Variants in RAB7A observed in about 807,000 individuals in gnomAD.
The protein encoded by RAB7A is RAB7A, member RAS oncogene family, also known as ras-related protein Rab-7a.
A neutral mutation model predicts 24.5 loss-of-function variants in RAB7A; 2 were observed. The observed-to-expected ratio is 0.08, with a 90% CI of 0.03 to 0.26. The LOEUF (loss-of-function observed/expected upper bound fraction) is 0.26. Among genes scored for constraint, RAB7A ranks in the 10% least tolerant of loss-of-function variants. The pLI is 1.00. For synonymous variants in RAB7A, 100 were observed against 95.9 expected, an observed-to-expected ratio of 1.04 and a Z score of -0.25; for missense variants, 118 against 255.7, an observed-to-expected ratio of 0.46 and a Z score of 3.67.
At chr3:128,770,059 G>A (rs1282450236) in intron 1 of RAB7A, among the ~76,000 whole-genome samples, 7 of 150,468 alleles carry the variant, frequency 4.7e-5, no homozygotes, top group Non-Finnish European at 1.0e-4. Flanking sequence ...CTGGAGTGCA[G>A]TGGCGCGATC....
chr3:128,797,669 T>C (rs2107612002), intron 2 of RAB7A, among the ~76,000 whole-genome samples: 1 of 152,288 alleles, frequency 6.6e-6, no homozygotes, highest in East Asian at 1.9e-4. Flanking sequence ...ATGGAAAAAA[T>C]AATACTAGGC....
chr3:128,739,668 G>C (rs948078582), intron 1 of RAB7A, among the ~76,000 whole-genome samples: 3 of 152,032 alleles, frequency 2.0e-5, no homozygotes, highest in Non-Finnish European at 4.4e-5. Flanking sequence ...TAACCATATA[G>C]TCAGCTTTTC....
In RAB7A at chr3:128,743,905, C is replaced by T. The variant is rs4857923; in HGVS notation, c.-9+17546C>T. Among the ~76,000 whole-genome samples the T allele has an allele frequency of 3.1e-3, 473 of 151,760 alleles. 4 individuals carry two copies. Among genetic ancestry groups the T allele is most frequent in the South Asian group, 4.8e-3 (23 of 4,806 alleles). ...CCTGGGTTCAAGCGATTCTCCTCCTCAGCCTCCCGAGTAGCTGGGTTTATA... is the reference window on the plus strand; with the variant it reads ...CCTGGGTTCAAGCGATTCTCCTCCTTAGCCTCCCGAGTAGCTGGGTTTATA... On this transcript the variant is annotated intron_variant, in intron 1 of 5. Transcript: ENST00000265062.
intron 5 of RAB7A, among the ~76,000 whole-genome samples, chr3:128,810,824 C>T (rs529878557): frequency 2.6e-5 from 4 of 151,644 alleles, no homozygotes; most frequent in South Asian, 2.1e-4. Flanking sequence ...GAGGCTGAGG[C>T]GGGTGGATCA....
At chr3:128,772,780 C>T (rs1458947211) in intron 1 of RAB7A, among the ~76,000 whole-genome samples, 2 of 152,220 alleles carry the variant, frequency 1.3e-5, no homozygotes, top group Non-Finnish European at 2.9e-5. Flanking sequence ...TTGGTGGAGA[C>T]GGGGTTTCGC....
At chr3:128,741,051 A>AT (rs910444235) in intron 1 of RAB7A, among the ~76,000 whole-genome samples, 3 of 151,166 alleles carry the variant, frequency 2.0e-5, no homozygotes, top group Non-Finnish European at 4.4e-5. Flanking sequence ...TATTAACTAC[A>AT]TTTTTTTATA....
At chr3:128,749,392 G>A (rs1244601218) in intron 1 of RAB7A, 1 of 152,220 alleles carries the variant, frequency 6.6e-6, no homozygotes, top group Non-Finnish European at 1.5e-5. Flanking sequence ...CTTTGTGGAT[G>A]ACCTTCATGG....
chr3:128,774,293 A>G (rs1287446286), intron 1 of RAB7A, among the ~76,000 whole-genome samples: 1 of 151,312 alleles, frequency 6.6e-6, no homozygotes, highest in Non-Finnish European at 1.5e-5. Context: ...CTCCCTTTCT[A>G]ATGTCAGCAA....
intron 1 of RAB7A, among the ~76,000 whole-genome samples, chr3:128,769,149 T>A (rs143097203): frequency 3.9e-4 from 59 of 151,494 alleles, no homozygotes; most frequent in African/African-American, 1.4e-3. Context: ...CTGTCTCTGC[T>A]TCCCAGAGTG....
chr3:128,810,561 C>T (rs907057768), intron 5 of RAB7A, among the ~76,000 whole-genome samples: 4 of 152,212 alleles, frequency 2.6e-5, no homozygotes, highest in Admixed American at 6.5e-5. Context: ...CACTGTGTCC[C>T]TCCCATGCCC....
At chr3:128,748,269 A>G (rs2070639856) in intron 1 of RAB7A, among the ~76,000 whole-genome samples, 2 of 152,078 alleles carry the variant, frequency 1.3e-5, no homozygotes, top group African/African-American at 4.8e-5. Flanking sequence ...GGAGGGGGTT[A>G]TGTTAATATT....
At chr3:128,733,493 T>C (rs186501282) in intron 1 of RAB7A, among the ~76,000 whole-genome samples, 138 of 152,346 alleles carry the variant, frequency 9.1e-4, no homozygotes, top group Admixed American at 7.6e-3. Context: ...GTAACAAGTA[T>C]CACAGATAGA....
chr3:128,757,967 T>C (rs1242529571), intron 1 of RAB7A, among the ~76,000 whole-genome samples: 1 of 151,876 alleles, frequency 6.6e-6, no homozygotes, highest in Non-Finnish European at 1.5e-5. Context: ...CCTATTTTAT[T>C]TTTTTTATTT....
At chr3:128,755,304 A>G (rs957189997) in intron 1 of RAB7A, among the ~76,000 whole-genome samples, 27 of 152,194 alleles carry the variant, frequency 1.8e-4, no homozygotes, top group Admixed American at 1.5e-3. Context: ...ATTAGAAACA[A>G]TTTAACAGAC....
At chr3:128,791,752 A>G (rs1002388622) in intron 1 of RAB7A, among the ~76,000 whole-genome samples, 1 of 152,174 alleles carries the variant, frequency 6.6e-6, no homozygotes, top group Admixed American at 6.5e-5. Flanking sequence ...GAGCTGTCAA[A>G]AGAGATACTT....
chr3:128,781,975 T>G (rs1933231521), intron 1 of RAB7A, among the ~76,000 whole-genome samples: 1 of 152,082 alleles, frequency 6.6e-6, no homozygotes, highest in East Asian at 1.9e-4. Context: ...ATCGCGCCAC[T>G]GCACTCCAGC....
chr3:128,803,654 C>CA (rs1280772603), intron 3 of RAB7A, among the ~76,000 whole-genome samples: 3 of 152,094 alleles, frequency 2.0e-5, no homozygotes, highest in Non-Finnish European at 4.4e-5. Flanking sequence ...GCAAATAACT[C>CA]AAATGATCTG....
chr3:128,751,886 G>T (rs1486205431), intron 1 of RAB7A, among the ~76,000 whole-genome samples: 2 of 152,168 alleles, frequency 1.3e-5, no homozygotes, highest in South Asian at 4.1e-4. Context: ...TGCTGTTCTC[G>T]AGTTAGGGAA....
intron 1 of RAB7A, among the ~76,000 whole-genome samples, chr3:128,758,831 G>A (rs529128569): frequency 9.9e-5 from 15 of 152,212 alleles, no homozygotes; most frequent in Admixed American, 2.6e-4. Context: ...GCCATCCCAC[G>A]AATAGCTGTG....
Sources: allele counts gnomAD v4.1 joint callset (sites outside exome capture counted in the v4.1 genomes callset), GRCh38; gene constraint gnomAD v4.1.1; transcripts MANE v1.5; gene names NCBI Gene and HGNC (gene_info 2026-07-23, HGNC 2026-07-21).